SLC44A5: variants seen among roughly 807,000 people sequenced by gnomAD.
SLC44A5 encodes the protein solute carrier family 44 member 5, also known as choline transporter-like protein 5.
Under a neutral mutation model 101.8 loss-of-function variants are expected in SLC44A5, and 57 were observed. The ratio of observed to expected loss-of-function variants is 0.56; its 90% CI spans 0.45 to 0.70. SLC44A5 has a LOEUF of 0.70. SLC44A5 is among the 30% of genes least tolerant of loss of function. The probability of loss-of-function intolerance (pLI) is 0.00; values close to 1 mark genes in which losing one functional copy is unlikely to be tolerated. For missense variants in SLC44A5, 737 were observed against 853.1 expected, an observed-to-expected ratio of 0.86 and a Z score of 1.70; for synonymous variants, 281 against 290.9, an observed-to-expected ratio of 0.97 and a Z score of 0.35.
chr1:75,276,585 A>T (rs1651942310), intron 5 of SLC44A5, among the ~76,000 whole-genome samples: 1 of 152,140 alleles, frequency 6.6e-6, no homozygotes, highest in African/African-American at 2.4e-5. Context: ...GTATAATAAT[A>T]CCTAATCCCA....
chr1:75,373,078 G>T (rs1199982764), intron 3 of SLC44A5, among the ~76,000 whole-genome samples: 1 of 152,174 alleles, frequency 6.6e-6, no homozygotes, highest in Non-Finnish European at 1.5e-5. Flanking sequence ...ATATCCTCAG[G>T]TCAACATTTA....
At chr1:75,619,574 A>G in the SLC44A5 span, among the ~76,000 whole-genome samples, 1 of 152,072 alleles carries the variant, frequency 6.6e-6, no homozygotes, top group Non-Finnish European at 1.5e-5. Context: ...AAACACAAAC[A>G]CAAAAAAGGG....
the SLC44A5 span, among the ~76,000 whole-genome samples, chr1:75,658,811 C>T: frequency 6.6e-6 from 1 of 151,582 alleles, no homozygotes; most frequent in Non-Finnish European, 1.5e-5. Flanking sequence ...GACTCAAAAA[C>T]AATACAAAAG....
intron 4 of SLC44A5, among the ~76,000 whole-genome samples, chr1:75,316,150 C>T (rs1655669697): frequency 6.6e-6 from 1 of 152,118 alleles, no homozygotes; most frequent in African/African-American, 2.4e-5. Flanking sequence ...TTAGTCTGGC[C>T]CTTGCTAAGC....
chr1:75,340,743 G>A (rs572372864), intron 3 of SLC44A5, among the ~76,000 whole-genome samples: 130 of 152,314 alleles, frequency 8.5e-4, no homozygotes, highest in African/African-American at 3.1e-3. Flanking sequence ...GGGCCAGTCA[G>A]ATTCTCAATC....
At chr1:75,227,937 T>G in intron 12 of SLC44A5, 80 bp from the exon 13 acceptor site, 1 of 1,118,990 alleles carries the variant, frequency 8.9e-7, no homozygotes, top group Non-Finnish European at 1.2e-6. Context: ...CATACATATC[T>G]ATATGAAACT....
At chr1:75,289,134 A>G (rs1345853188) in intron 5 of SLC44A5, among the ~76,000 whole-genome samples, 2 of 152,172 alleles carry the variant, frequency 1.3e-5, no homozygotes, top group Non-Finnish European at 2.9e-5. Context: ...ACTGCGTCTT[A>G]CATTTTCTGC....
intron 1 of SLC44A5, among the ~76,000 whole-genome samples, chr1:75,603,771 G>C (rs3031473): frequency 6.4e-5 from 1 of 15,508 alleles, no homozygotes; most frequent in Non-Finnish European, 1.3e-4. Context: ...TTTTTTTTTT[G>C]CTGCTTGTAT....
rs1373701788 is a variant in SLC44A5 at position 75,483,289 on chromosome 1, A to G, written c.13+58146T>C. On this transcript the variant is annotated intron_variant, in intron 2 of 23. Coordinates refer to ENST00000370859, the MANE Select transcript of SLC44A5 (RefSeq NM_001130058.2). ...AGGTGAGCAAAGCTTTGTTTTAAAAATCCAGATATCATTTTTATTACTGGT... is the reference window on the plus strand; with the variant it reads ...AGGTGAGCAAAGCTTTGTTTTAAAAGTCCAGATATCATTTTTATTACTGGT... Among the ~76,000 whole-genome samples, 3 of 152,324 alleles carry G rather than the reference A, an allele frequency of 2.0e-5. No individual in the cohort carries two copies. The East Asian group carries it at 5.8e-4, about 29-fold the overall frequency.
At chr1:75,272,863 A>C (rs1651603943) in intron 6 of SLC44A5, among the ~76,000 whole-genome samples, 1 of 152,024 alleles carries the variant, frequency 6.6e-6, no homozygotes, top group South Asian at 2.1e-4. Context: ...TGCTTTGGCT[A>C]TGTGGGCTCT....
chr1:75,672,184 C>T, the SLC44A5 span, among the ~76,000 whole-genome samples: 8 of 152,244 alleles, frequency 5.3e-5, no homozygotes, highest in South Asian at 8.3e-4. Flanking sequence ...AGAAAAGAGG[C>T]GCTGAAAAAG....
intron 7 of SLC44A5, among the ~76,000 whole-genome samples, chr1:75,248,445 G>A (rs1319129677): frequency 6.6e-6 from 1 of 152,082 alleles, no homozygotes; most frequent in Admixed American, 6.6e-5. Flanking sequence ...TCACCCATGG[G>A]GAATTAGAGG....
the SLC44A5 span, among the ~76,000 whole-genome samples, chr1:75,722,966 C>A: frequency 6.6e-5 from 10 of 152,228 alleles, no homozygotes; most frequent in Non-Finnish European, 1.3e-4. Flanking sequence ...TATACTGGTC[C>A]AAGGAAGCAT....
chr1:75,719,875 C>A, the SLC44A5 span, among the ~76,000 whole-genome samples: 3 of 152,100 alleles, frequency 2.0e-5, no homozygotes, highest in Admixed American at 6.6e-5. Context: ...AGTGGGATTT[C>A]AAAGGCTCTG....
chr1:75,702,337 C>A, the SLC44A5 span, among the ~76,000 whole-genome samples: 1 of 152,048 alleles, frequency 6.6e-6, no homozygotes, highest in Non-Finnish European at 1.5e-5. Flanking sequence ...CAGAACAGAG[C>A]CCTCAGAAAT....
intron 2 of SLC44A5, among the ~76,000 whole-genome samples, chr1:75,414,629 A>C (rs1663518518): frequency 6.6e-6 from 1 of 152,192 alleles, no homozygotes; most frequent in African/African-American, 2.4e-5. Flanking sequence ...AAAGCAAGTA[A>C]ACTTGACTTT....
At chr1:75,369,015 CAT>C (rs144858253) in intron 3 of SLC44A5, among the ~76,000 whole-genome samples, 62,834 of 150,972 alleles carry the variant, frequency 0.42, 13,852 homozygotes, top group East Asian at 0.93. Context: ...CTCTTTCTCA[CAT>C]TTTTTTTTTT....
At chr1:75,231,801 T>C (rs11162856) in intron 12 of SLC44A5, among the ~76,000 whole-genome samples, 43,022 of 151,996 alleles carry the variant, frequency 0.28, 6,402 homozygotes, top group Middle Eastern at 0.36. Flanking sequence ...CTTAAATAGA[T>C]GCTCATAAAC....
chr1:75,261,748 T>C (rs1024434566), intron 6 of SLC44A5, among the ~76,000 whole-genome samples: 4 of 152,110 alleles, frequency 2.6e-5, no homozygotes, highest in Admixed American at 6.5e-5. Flanking sequence ...CTGATGAACA[T>C]GGATGCGAAA....
Sources: allele counts gnomAD v4.1 joint callset (sites outside exome capture counted in the v4.1 genomes callset), GRCh38; gene constraint gnomAD v4.1.1; transcripts MANE v1.5; gene names NCBI Gene and HGNC (gene_info 2026-07-23, HGNC 2026-07-21).